DOCK8: variants seen among roughly 807,000 people sequenced by gnomAD.
DOCK8 encodes the protein dedicator of cytokinesis 8, also known as dedicator of cytokinesis protein 8.
In DOCK8, 141 loss-of-function variants were observed where a neutral mutation model predicts 245.6. The ratio of observed to expected loss-of-function variants is 0.57; its 90% confidence interval spans 0.50 to 0.66. The LOEUF (loss-of-function observed/expected upper bound fraction) is 0.66. DOCK8 is among the 30% of genes least tolerant of loss of function. The pLI is 0.00. For synonymous variants in DOCK8, 1,168 were observed against 970.2 expected (o/e 1.20, Z -3.79); for missense variants, 2,965 against 2,603.4 (o/e 1.14, Z -3.02).
intron 26 of DOCK8, among the ~76,000 whole-genome samples, chr9:403,014 C>T (rs1211727017): frequency 6.6e-6 from 1 of 152,166 alleles, no homozygotes; most frequent in African/African-American, 2.4e-5. Context: ...CTCACCCTCC[C>T]GAGTAGCTGG....
At chr9:383,952 A>G (rs1030101327) in intron 22 of DOCK8, among the ~76,000 whole-genome samples, 13 of 152,208 alleles carry the variant, frequency 8.5e-5, no homozygotes, top group African/African-American at 2.9e-4. Flanking sequence ...TTAGTGAACC[A>G]ATATTCATGG....
At chr9:406,580 G>GC (rs1277297786) in intron 27 of DOCK8, among the ~76,000 whole-genome samples, 2 of 151,786 alleles carry the variant, frequency 1.3e-5, no homozygotes, top group Admixed American at 6.6e-5. Flanking sequence ...CCTGTTCCCA[G>GC]CCCCAGGACT....
At chr9:413,371 C>G (rs1049087479) in intron 28 of DOCK8, among the ~76,000 whole-genome samples, 7 of 152,006 alleles carry the variant, frequency 4.6e-5, no homozygotes, top group African/African-American at 1.5e-4. Flanking sequence ...ATATGACACA[C>G]TCGAAAGTAT....
intron 5 of DOCK8, among the ~76,000 whole-genome samples, chr9:305,000 G>A (rs2049749270): frequency 6.6e-6 from 1 of 152,136 alleles, no homozygotes; most frequent in African/African-American, 2.4e-5. Flanking sequence ...GACTCTTGGT[G>A]CCCCTAAGGC....
intron 14 of DOCK8, among the ~76,000 whole-genome samples, chr9:361,165 C>T (rs2052711111): frequency 6.6e-6 from 1 of 151,960 alleles, no homozygotes; most frequent in African/African-American, 2.4e-5. Flanking sequence ...TAGACTCCAT[C>T]TCCAAAAAAA....
At chr9:426,126 C>T (rs1403018350) in intron 33 of DOCK8, among the ~76,000 whole-genome samples, 6 of 151,978 alleles carry the variant, frequency 3.9e-5, no homozygotes, top group Non-Finnish European at 8.8e-5. Flanking sequence ...ACAAAATATC[C>T]CTTTACAGCT....
intron 24 of DOCK8, among the ~76,000 whole-genome samples, chr9:392,978 C>G (rs1441790655): frequency 6.7e-6 from 1 of 150,160 alleles, no homozygotes; most frequent in African/African-American, 2.5e-5. Context: ...CTCAGTTACT[C>G]AGCAGGCTGA....
chr9:391,821 C>CTTTTTTTT (rs373810616), intron 24 of DOCK8, among the ~76,000 whole-genome samples: 1 of 116,310 alleles, frequency 8.6e-6, no homozygotes, highest in Non-Finnish European at 1.8e-5. Flanking sequence ...TTAAGTGAAT[C>CTTTTTTTT]TTTTTTTTTT....
At chr9:399,029 C>T in intron 25 of DOCK8, 117 bp from the exon 26 acceptor site, 1 of 922,384 alleles carries the variant, frequency 1.1e-6, no homozygotes, top group Non-Finnish European at 1.7e-6. Flanking sequence ...CAGTGCCACC[C>T]AGAAGGACAG....
At chr9:432,136 T>C in intron 36 of DOCK8, 30 bp from the exon 37 acceptor site, 1 of 1,550,268 alleles carries the variant, frequency 6.5e-7, no homozygotes, top group Non-Finnish European at 8.7e-7. Context: ...CTTATTTACT[T>C]CATCTTTTTT....
intron 18 of DOCK8, among the ~76,000 whole-genome samples, chr9:372,901 G>T (rs2053359921): frequency 6.6e-6 from 1 of 152,060 alleles, no homozygotes; most frequent in Non-Finnish European, 1.5e-5. Context: ...CTGCTGTTGG[G>T]TGCCTGTAAT....
chr9:367,954 T>C (rs1376143622), intron 14 of DOCK8, 64 bp from the exon 15 acceptor site: 19 of 1,368,560 alleles, frequency 1.4e-5, no homozygotes, highest in Non-Finnish European at 1.8e-5. Flanking sequence ...CAGCATTTGC[T>C]GAAGAACTTA....
intron 1 of DOCK8, among the ~76,000 whole-genome samples, chr9:236,694 C>G (rs2047257294): frequency 6.6e-6 from 1 of 152,202 alleles, no homozygotes; most frequent in Non-Finnish European, 1.5e-5. Context: ...CTCAAAATCT[C>G]AGTGAACGAA....
In DOCK8 at chr9:336,736, A is replaced by T. The variant is rs202137806; in HGVS notation, c.1422+18A>T. On this transcript the variant is annotated intron_variant, in intron 12 of 47. Transcript: ENST00000432829. ...TCAAGCAGGTATCTCTTCACATTACAGTGTGTCTGGATTTTTCCCCATACT... is the reference window on the plus strand; with the variant it reads ...TCAAGCAGGTATCTCTTCACATTACTGTGTGTCTGGATTTTTCCCCATACT... The T allele has an allele frequency of 3.5e-5, 56 of 1,613,698 alleles. No individual in the cohort carries two copies. The highest frequency in any genetic ancestry group is 3.3e-4 in the Middle Eastern group (2 of 6,016).
upstream of DOCK8, chr9:213,752 A>C (rs1443966747): frequency 1.3e-5 from 2 of 150,678 alleles, no homozygotes. Context: ...TTTCTTTTAG[A>C]CGGAGACTTG....
upstream of DOCK8, among the ~76,000 whole-genome samples, chr9:211,689 C>T (rs1049698483): frequency 3.9e-5 from 6 of 151,966 alleles, no homozygotes; most frequent in African/African-American, 9.7e-5. Context: ...TTAGAGCTGA[C>T]GTATTTCTAA....
At chr9:288,804 A>G (rs115849668) in intron 3 of DOCK8, among the ~76,000 whole-genome samples, 2,619 of 152,334 alleles carry the variant, frequency 0.017, 69 homozygotes, top group African/African-American at 0.059. Flanking sequence ...ACAATATTTT[A>G]TCTAATACTA....
intron 2 of DOCK8, chr9:280,952 T>G (rs2048554789): frequency 6.6e-6 from 1 of 152,258 alleles, no homozygotes; most frequent in Admixed American, 6.5e-5. Context: ...TTAAGTATTT[T>G]TGTCTTATTT....
chr9:309,288 C>T (rs78138884), intron 5 of DOCK8, among the ~76,000 whole-genome samples: 23 of 151,346 alleles, frequency 1.5e-4, no homozygotes, highest in South Asian at 4.2e-4. Flanking sequence ...TATTAATAAT[C>T]GAAGTGTTAA....
Sources: gnomAD v4.1 joint callset for allele counts (sites outside exome capture counted in the v4.1 genomes callset) on GRCh38, gnomAD v4.1.1 for gene constraint, MANE v1.5 for transcripts, NCBI Gene and HGNC (gene_info 2026-07-23, HGNC 2026-07-21) for gene names.